The following SUMF1 variants were observed in gnomAD, a reference collection of about 807,000 sequenced individuals.
SUMF1 encodes the protein sulfatase modifying factor 1.
In SUMF1, 48 loss-of-function variants were observed where a neutral mutation model predicts 47.6. The observed-to-expected ratio is 1.01, with a 90% CI of 0.80 to 1.28. The LOEUF (loss-of-function observed/expected upper bound fraction) is 1.28. Among genes scored for constraint, SUMF1 ranks in the 50% most tolerant of loss-of-function variants. The pLI, the probability that SUMF1 is intolerant of heterozygous loss-of-function variation, is 0.00. For synonymous variants in SUMF1, 230 were observed against 192.1 expected (o/e 1.20, Z -1.63); for missense variants, 571 against 485.4 (o/e 1.18, Z -1.66).
At chr3:4,273,970 G>A (rs536969978) in intron 8 of SUMF1, among the ~76,000 whole-genome samples, 150 of 152,030 alleles carry the variant, frequency 9.9e-4, no homozygotes, top group Non-Finnish European at 1.9e-3. Context: ...GTCAGAATAC[G>A]TCATATCAGC....
intron 7 of SUMF1, among the ~76,000 whole-genome samples, chr3:4,398,813 C>T (rs974045362): frequency 1.3e-5 from 2 of 152,138 alleles, no homozygotes; most frequent in East Asian, 3.8e-4. Flanking sequence ...ATATTTATAA[C>T]AAGTCTTGAG....
At chr3:4,424,224 C>T (rs1054409200) in intron 3 of SUMF1, among the ~76,000 whole-genome samples, 1 of 152,066 alleles carries the variant, frequency 6.6e-6, no homozygotes, top group African/African-American at 2.4e-5. Flanking sequence ...TATCTCCTTC[C>T]ACCCGCTACC....
chr3:4,241,827 C>T (rs1453713885), intron 8 of SUMF1, among the ~76,000 whole-genome samples: 1 of 152,112 alleles, frequency 6.6e-6, no homozygotes, highest in Non-Finnish European at 1.5e-5. Context: ...TGGAGTTCAT[C>T]AGATTTTATA....
chr3:4,373,916 A>G (rs1700244088), intron 8 of SUMF1, among the ~76,000 whole-genome samples: 1 of 152,226 alleles, frequency 6.6e-6, no homozygotes, highest in Admixed American at 6.5e-5. Context: ...CCATATGAAC[A>G]GATAGAAAAA....
At chr3:4,150,176 C>G (rs962751774) in intron 8 of SUMF1, among the ~76,000 whole-genome samples, 2 of 151,990 alleles carry the variant, frequency 1.3e-5, no homozygotes, top group African/African-American at 4.8e-5. Flanking sequence ...TCACTGCAGC[C>G]TTGATCTCCT....
chr3:4,082,786 G>C (rs150794405), intron 8 of SUMF1, among the ~76,000 whole-genome samples: 1 of 152,226 alleles, frequency 6.6e-6, no homozygotes, highest in East Asian at 1.9e-4. Context: ...ATTAGAGAGA[G>C]AATGGGTATG....
At chr3:4,353,160 A>G (rs968348272) in intron 8 of SUMF1, among the ~76,000 whole-genome samples, 4 of 152,232 alleles carry the variant, frequency 2.6e-5, no homozygotes, top group African/African-American at 4.8e-5. Context: ...GAACTTCAAG[A>G]GCTGGAGGCA....
chr3:4,263,732 T>C (rs1046748778), intron 8 of SUMF1, among the ~76,000 whole-genome samples: 3 of 152,316 alleles, frequency 2.0e-5, no homozygotes, highest in African/African-American at 4.8e-5. Flanking sequence ...CCTTATTAAG[T>C]TCTCTTAATA....
chr3:4,151,467 GTATATATGTA>G (rs1694328500), intron 8 of SUMF1, among the ~76,000 whole-genome samples: 1 of 141,230 alleles, frequency 7.1e-6, no homozygotes, highest in East Asian at 2.1e-4. Context: ...GTGTATATAT[GTATATATGTA>G]TATATGTGTA....
intron 8 of SUMF1, among the ~76,000 whole-genome samples, chr3:4,218,307 A>T (rs1031813875): frequency 6.6e-6 from 1 of 152,090 alleles, no homozygotes; most frequent in African/African-American, 2.4e-5. Flanking sequence ...AATATGTAAT[A>T]AAAAAATGAA....
At chr3:4,141,439 C>T (rs930360621) in intron 8 of SUMF1, among the ~76,000 whole-genome samples, 12 of 152,118 alleles carry the variant, frequency 7.9e-5, no homozygotes, top group African/African-American at 2.9e-4. Context: ...ACTTGACCAG[C>T]AGCAAAAGCT....
intron 8 of SUMF1, chr3:4,317,144 G>C (rs979843110): frequency 9.0e-6 from 14 of 1,547,940 alleles, no homozygotes; most frequent in Non-Finnish European, 1.0e-5. Context: ...CTTTCCAAGA[G>C]TTCGTCGAAT....
At chr3:4,422,295 G>A (rs1336835260) in intron 3 of SUMF1, among the ~76,000 whole-genome samples, 1 of 152,046 alleles carries the variant, frequency 6.6e-6, no homozygotes, top group Admixed American at 6.6e-5. Context: ...TGTTTCAGGA[G>A]GATCCTCAGA....
chr3:4,164,870 A>G (rs1300809962), intron 8 of SUMF1, among the ~76,000 whole-genome samples: 2 of 151,960 alleles, frequency 1.3e-5, no homozygotes, highest in African/African-American at 4.8e-5. Flanking sequence ...AGGGGAGTAT[A>G]TTTTCCTAAG....
chr3:4,402,110 G>C (rs2124976768), intron 7 of SUMF1, among the ~76,000 whole-genome samples: 1 of 152,288 alleles, frequency 6.6e-6, no homozygotes, highest in Middle Eastern at 3.4e-3. Flanking sequence ...TCACACTTCA[G>C]GGCTAAGGGC....
chr3:4,442,638 G>GAAAAAAAAAAAAAAAAAAAAA (rs61296884), intron 3 of SUMF1, among the ~76,000 whole-genome samples: 4 of 61,272 alleles, frequency 6.5e-5, no homozygotes, highest in African/African-American at 1.8e-4. Flanking sequence ...AGAGAAAAAG[G>GAAAAAAAAAAAAAAAAAAAAA]AAAAAAAAAA....
intron 8 of SUMF1, among the ~76,000 whole-genome samples, chr3:4,374,498 G>A (rs1202566883): frequency 3.3e-5 from 5 of 152,150 alleles, no homozygotes; most frequent in Admixed American, 6.5e-5. Flanking sequence ...ACATTCATAC[G>A]CATGGAATTA....
At chr3:4,206,148 T>C (rs1438716294) in intron 8 of SUMF1, among the ~76,000 whole-genome samples, 2 of 151,456 alleles carry the variant, frequency 1.3e-5, no homozygotes, top group Middle Eastern at 6.8e-3. Flanking sequence ...CAGGACAAAG[T>C]CCTCTTTCCT....
intron 8 of SUMF1, among the ~76,000 whole-genome samples, chr3:4,259,432 C>T (rs1257497769): frequency 6.6e-6 from 1 of 152,090 alleles, no homozygotes; most frequent in African/African-American, 2.4e-5. Flanking sequence ...TATATAAGAT[C>T]ATATGATCAT....
Sources: allele counts gnomAD v4.1 joint callset (sites outside exome capture counted in the v4.1 genomes callset), GRCh38; gene constraint gnomAD v4.1.1; transcripts MANE v1.5; gene names NCBI Gene and HGNC (gene_info 2026-07-23, HGNC 2026-07-21).